Variants in STK39 observed in about 807,000 individuals in gnomAD.
The protein encoded by STK39 is STE20/SPS1-related proline-alanine-rich protein kinase.
A neutral mutation model predicts 77.8 loss-of-function variants in STK39; 20 were observed. The ratio of observed to expected loss-of-function variants is 0.26; its 90% CI spans 0.18 to 0.37. STK39 has a LOEUF of 0.37. STK39 is among the 10% of genes least tolerant of loss of function. The probability of loss-of-function intolerance (pLI) is 1.00; values close to 1 mark genes in which losing one functional copy is unlikely to be tolerated. For missense variants in STK39, 479 were observed against 656.5 expected (o/e 0.73, Z 2.95); for synonymous variants, 246 against 234.1 (o/e 1.05, Z -0.47).
chr2:168,095,444 A>G (rs1686636903), intron 10 of STK39, among the ~76,000 whole-genome samples: 1 of 152,092 alleles, frequency 6.6e-6, no homozygotes, highest in South Asian at 2.1e-4. Flanking sequence ...GGTCTAAAGA[A>G]CAATCTTCAA....
chr2:168,129,005 A>ACATG (rs1687613673), intron 10 of STK39, among the ~76,000 whole-genome samples: 1 of 152,220 alleles, frequency 6.6e-6, no homozygotes, highest in Admixed American at 6.5e-5. Context: ...ATACATACAT[A>ACATG]CATGCCATTT....
At chr2:168,131,425 G>C (rs907198654) in intron 8 of STK39, among the ~76,000 whole-genome samples, 1 of 152,116 alleles carries the variant, frequency 6.6e-6, no homozygotes, top group Non-Finnish European at 1.5e-5. Flanking sequence ...CCTCATGCTT[G>C]ACAAAATTGG....
At chr2:168,002,230 T>TA (rs1358857731) in intron 16 of STK39, among the ~76,000 whole-genome samples, 4 of 152,216 alleles carry the variant, frequency 2.6e-5, no homozygotes, top group Non-Finnish European at 4.4e-5. Flanking sequence ...GTAACAAAGT[T>TA]AATTAGAAAA....
chr2:168,236,596 A>T (rs1200465044), intron 1 of STK39, among the ~76,000 whole-genome samples: 1 of 152,232 alleles, frequency 6.6e-6, no homozygotes, highest in Non-Finnish European at 1.5e-5. Flanking sequence ...TCTAACATGT[A>T]AGTCTTTAAT....
chr2:168,135,319 C>T (rs1687802295), intron 8 of STK39, among the ~76,000 whole-genome samples: 1 of 151,964 alleles, frequency 6.6e-6, no homozygotes, highest in Non-Finnish European at 1.5e-5. Flanking sequence ...ACTCCCTGGG[C>T]ACTGTGCTAT....
intron 1 of STK39, among the ~76,000 whole-genome samples, chr2:168,226,634 C>G (rs1368822009): frequency 1.3e-5 from 2 of 148,528 alleles, no homozygotes; most frequent in Non-Finnish European, 1.5e-5. Flanking sequence ...CCCCACCTCA[C>G]CCCACCCACC....
chr2:168,167,844 A>C (rs1177178780), intron 2 of STK39, among the ~76,000 whole-genome samples: 1 of 152,110 alleles, frequency 6.6e-6, no homozygotes, highest in East Asian at 1.9e-4. Flanking sequence ...TCATCCAAAA[A>C]ACGACAACAA....
chr2:168,126,212 A>C (rs1214276446), intron 10 of STK39, among the ~76,000 whole-genome samples: 1 of 152,172 alleles, frequency 6.6e-6, no homozygotes, highest in Admixed American at 6.6e-5. Context: ...GATAAGACAA[A>C]AATCAATGGA....
At chr2:167,960,735 G>C (rs1033483763) in intron 17 of STK39, among the ~76,000 whole-genome samples, 2 of 151,972 alleles carry the variant, frequency 1.3e-5, no homozygotes, top group Admixed American at 1.3e-4. Context: ...CCCAAATGCG[G>C]GTGCATTTTG....
At chr2:168,034,599 A>G (rs1300771055) in intron 14 of STK39, among the ~76,000 whole-genome samples, 3 of 152,230 alleles carry the variant, frequency 2.0e-5, no homozygotes, top group African/African-American at 7.2e-5. Context: ...CACACTCTCC[A>G]GCATTCAGGA....
intron 1 of STK39, among the ~76,000 whole-genome samples, chr2:168,203,961 G>C (rs1010573973): frequency 6.6e-6 from 1 of 152,208 alleles, no homozygotes; most frequent in Non-Finnish European, 1.5e-5. Context: ...CCTGGAATGT[G>C]AAACATGGGA....
intron 16 of STK39, among the ~76,000 whole-genome samples, chr2:168,010,698 T>G (rs184816867): frequency 6.6e-6 from 1 of 152,120 alleles, no homozygotes; most frequent in Admixed American, 6.5e-5. Flanking sequence ...GTATAATCAG[T>G]AGGAAAAAAT....
intron 16 of STK39, among the ~76,000 whole-genome samples, chr2:167,970,926 G>A (rs1048331780): frequency 1.3e-5 from 2 of 152,276 alleles, no homozygotes; most frequent in South Asian, 2.1e-4. Flanking sequence ...CACCCCTGGA[G>A]TCTCTCTAAA....
At chr2:168,216,492 G>A (rs1010327841) in intron 1 of STK39, among the ~76,000 whole-genome samples, 19 of 152,162 alleles carry the variant, frequency 1.2e-4, no homozygotes, top group Admixed American at 1.0e-3. Context: ...GCACACCAAG[G>A]CAAAAGTTGT....
chr2:168,112,395 G>T (rs1200013146), intron 10 of STK39, among the ~76,000 whole-genome samples: 1 of 151,980 alleles, frequency 6.6e-6, no homozygotes, highest in Admixed American at 6.6e-5. Flanking sequence ...TGGATCATGG[G>T]GGTGGTTTCC....
intron 14 of STK39, among the ~76,000 whole-genome samples, chr2:168,046,393 A>G (rs931828002): frequency 7.2e-5 from 11 of 152,124 alleles, no homozygotes; most frequent in Non-Finnish European, 1.6e-4. Context: ...AAACAAACAA[A>G]CAAACAAAAG....
chr2:168,081,825 A>G (rs1026730873), intron 10 of STK39, among the ~76,000 whole-genome samples: 3 of 152,120 alleles, frequency 2.0e-5, no homozygotes, highest in Non-Finnish European at 4.4e-5. Flanking sequence ...ACAAGATCTG[A>G]TGGTTTTAAA....
intron 1 of STK39, among the ~76,000 whole-genome samples, chr2:168,235,020 A>C (rs937077396): frequency 5.3e-5 from 8 of 150,210 alleles, no homozygotes; most frequent in Non-Finnish European, 1.0e-4. Flanking sequence ...GTAGTACCTT[A>C]AAATTTATTG....
At chr2:168,029,983 G>C (rs1009907782) in intron 14 of STK39, among the ~76,000 whole-genome samples, 1 of 152,192 alleles carries the variant, frequency 6.6e-6, no homozygotes, top group African/African-American at 2.4e-5. Context: ...GCTCATGCCT[G>C]TAATCCAAGC....
Sources: allele counts gnomAD v4.1 joint callset (sites outside exome capture counted in the v4.1 genomes callset), GRCh38; gene constraint gnomAD v4.1.1; transcripts MANE v1.5; gene names NCBI Gene and HGNC (gene_info 2026-07-23, HGNC 2026-07-21).